TBC1D12: variants seen among roughly 807,000 people sequenced by gnomAD.
TBC1D12 encodes the protein TBC1 domain family member 12.
In TBC1D12, 56 loss-of-function variants were observed where a neutral mutation model predicts 86.7. That is an observed-to-expected ratio of 0.65 (90% CI 0.52 to 0.81). The LOEUF (loss-of-function observed/expected upper bound fraction) is 0.81, where lower values mean the gene tolerates loss of function less well. TBC1D12 is among the 30% of genes least tolerant of loss of function. The pLI is 0.00. For missense variants in TBC1D12, 1,023 were observed against 1,038.8 expected, an observed-to-expected ratio of 0.98 and a Z score of 0.21; for synonymous variants, 421 against 411.7, an observed-to-expected ratio of 1.02 and a Z score of -0.27.
chr10:94,416,476 A>T (rs2054999132), intron 1 of TBC1D12, among the ~76,000 whole-genome samples: 1 of 152,188 alleles, frequency 6.6e-6, no homozygotes. Context: ...AATACAATTC[A>T]ATTCATTTAC....
At position 94,533,759 on chromosome 10, in the gene TBC1D12, C is replaced by G. The variant is rs1842487608; in HGVS notation, c.*663C>G. On this transcript the variant is annotated 3_prime_UTR_variant, in exon 13 of 13. Coordinates refer to ENST00000225235, the MANE Select transcript of TBC1D12 (RefSeq NM_015188.2). Reference sequence around the variant, plus strand: ...TCTTCCTTAAGGAATTCCTATCACTCAGAGAATTTTAGCCATTCTGGTTCT... The same window carrying G: ...TCTTCCTTAAGGAATTCCTATCACTGAGAGAATTTTAGCCATTCTGGTTCT... 6.6e-6 allele frequency: 1 copy of G among 152,134 alleles called. No homozygotes were observed. Among genetic ancestry groups the G allele is most frequent in the Admixed American group, 6.5e-5 (1 of 15,276 alleles). 9.4% of individuals were successfully genotyped at this position (152,134 alleles called of 1,614,324 possible). A position where few individuals can be genotyped will look rare whatever the true frequency, so the allele number is the denominator to read the frequency against.
intron 3 of TBC1D12, among the ~76,000 whole-genome samples, chr10:94,485,635 T>A (rs1312597143): frequency 6.6e-6 from 1 of 151,224 alleles, no homozygotes; most frequent in East Asian, 2.0e-4. Flanking sequence ...AATTCCCTCC[T>A]CTATTTTTTG....
intron 2 of TBC1D12, among the ~76,000 whole-genome samples, chr10:94,450,455 A>T (rs2055533543): frequency 1.3e-5 from 2 of 152,012 alleles, no homozygotes; most frequent in South Asian, 4.2e-4. Flanking sequence ...AATGAATAGG[A>T]TCTGTTTAGC....
intron 5 of TBC1D12, 62 bp downstream of exon 5, chr10:94,497,234 T>G (rs1364352092): frequency 1.0e-6 from 1 of 972,822 alleles, no homozygotes; most frequent in African/African-American, 1.8e-5. Flanking sequence ...TTTCTTTTTT[T>G]TTTTTTAATT....
At position 94,534,975 on chromosome 10, in the gene TBC1D12, C is replaced by A. The variant is rs567817097; in HGVS notation, c.*1879C>A. The A allele has an allele frequency of 6.6e-6, 1 of 152,270 alleles. No individual in the cohort carries two copies. The highest frequency in any genetic ancestry group is 1.9e-4 in the East Asian group (1 of 5,176). The allele number at this position is 152,270 out of a possible 1,614,324, so 9.4% of individuals were successfully genotyped here. ...TGCATTTTATAGCAACATTAACAGT[C>A]TTTTCCCAGTCAGGTGCTGTCCAGG... On this transcript the variant is annotated 3_prime_UTR_variant, in exon 13 of 13. Coordinates refer to ENST00000225235, the MANE Select transcript of TBC1D12 (RefSeq NM_015188.2).
intron 9 of TBC1D12, among the ~76,000 whole-genome samples, chr10:94,514,999 C>G (rs2056572342): frequency 6.7e-6 from 1 of 148,454 alleles, no homozygotes; most frequent in African/African-American, 2.5e-5. Flanking sequence ...GCTCCGCCTC[C>G]CGGGTTCACG....
intron 11 of TBC1D12, 45 bp from the exon 12 acceptor site, chr10:94,531,157 C>A: frequency 6.3e-7 from 1 of 1,582,300 alleles, no homozygotes; most frequent in South Asian, 1.2e-5. Flanking sequence ...GTAAATGAGT[C>A]AATGAATGAA....
At chr10:94,527,022 G>C (rs1359236363) in intron 11 of TBC1D12, among the ~76,000 whole-genome samples, 2 of 151,846 alleles carry the variant, frequency 1.3e-5, no homozygotes, top group African/African-American at 4.8e-5. Context: ...TTGGTCATTT[G>C]TGTGTCTTCT....
intron 9 of TBC1D12, among the ~76,000 whole-genome samples, chr10:94,519,841 G>A (rs558495405): frequency 2.6e-5 from 4 of 151,892 alleles, no homozygotes; most frequent in African/African-American, 9.6e-5. Flanking sequence ...ATTACTTCAG[G>A]CCCACCCAGA....
At chr10:94,427,024 C>G (rs954907416) in intron 1 of TBC1D12, among the ~76,000 whole-genome samples, 3 of 152,164 alleles carry the variant, frequency 2.0e-5, no homozygotes, top group African/African-American at 7.2e-5. Flanking sequence ...TAGAACATTT[C>G]TGTCATCCCC....
intron 1 of TBC1D12, among the ~76,000 whole-genome samples, chr10:94,438,912 A>T (rs8181426): frequency 0.45 from 68,422 of 151,410 alleles, 15,781 homozygotes; most frequent in East Asian, 0.79. Flanking sequence ...CAAGCAATTC[A>T]CCTGTCTCAG....
At chr10:94,485,843 AG>A (rs1434900669) in intron 3 of TBC1D12, among the ~76,000 whole-genome samples, 2 of 151,942 alleles carry the variant, frequency 1.3e-5, no homozygotes, top group Admixed American at 6.6e-5. Context: ...CAATCTTGGT[AG>A]GTTGTATGTG....
At chr10:94,465,823 T>C in intron 2 of TBC1D12, among the ~76,000 whole-genome samples, 1 of 151,130 alleles carries the variant, frequency 6.6e-6, no homozygotes, top group African/African-American at 2.4e-5. Flanking sequence ...TACATACACA[T>C]ATACGTATAC....
intron 6 of TBC1D12, 29 bp downstream of exon 6, chr10:94,500,356 C>T: frequency 6.3e-7 from 1 of 1,588,686 alleles, no homozygotes; most frequent in Non-Finnish European, 8.6e-7. Context: ...GTTATTCCCA[C>T]ATGTACAAAT....
chr10:94,449,931 TA>T (rs2055524887), intron 2 of TBC1D12, among the ~76,000 whole-genome samples: 1 of 152,184 alleles, frequency 6.6e-6, no homozygotes, highest in Non-Finnish European at 1.5e-5. Context: ...ACTTCTTTGG[TA>T]AATCGCTTTC....
intron 5 of TBC1D12, among the ~76,000 whole-genome samples, chr10:94,498,959 T>C (rs1312133566): frequency 1.3e-5 from 2 of 151,844 alleles, no homozygotes; most frequent in South Asian, 2.1e-4. Flanking sequence ...TTTATAGATA[T>C]GGGGTCTCAC....
At chr10:94,495,538 G>A (rs1418727032) in intron 4 of TBC1D12, among the ~76,000 whole-genome samples, 2 of 152,082 alleles carry the variant, frequency 1.3e-5, no homozygotes, top group Non-Finnish European at 2.9e-5. Context: ...TATTGGTACT[G>A]GATGATCTTA....
chr10:94,493,343 C>T (rs761394559), intron 3 of TBC1D12, 22 bp from the exon 4 acceptor site: 2 of 1,582,456 alleles, frequency 1.3e-6, no homozygotes, highest in South Asian at 1.1e-5. Flanking sequence ...ATTGTCTTGA[C>T]TTAAGTAATT....
chr10:94,483,132 C>G, intron 3 of TBC1D12, among the ~76,000 whole-genome samples: 1 of 151,554 alleles, frequency 6.6e-6, no homozygotes, highest in Non-Finnish European at 1.5e-5. Flanking sequence ...CTCCACCTCC[C>G]TTGAACCACA....
Sources: allele counts gnomAD v4.1 joint callset (sites outside exome capture counted in the v4.1 genomes callset), GRCh38; gene constraint gnomAD v4.1.1; transcripts MANE v1.5; gene names NCBI Gene and HGNC (gene_info 2026-07-23, HGNC 2026-07-21).